Variants in MORC1 observed in about 807,000 individuals in gnomAD.
The protein encoded by MORC1 is MORC family CW-type zinc finger 1.
MORC1 carries 59 observed loss-of-function variants against 134.9 expected under a neutral mutation model. The ratio of observed to expected loss-of-function variants is 0.44; its 90% CI spans 0.35 to 0.54. The LOEUF is 0.54. Among genes scored for constraint, MORC1 ranks in the 20% least tolerant of loss-of-function variants. The pLI, the probability that MORC1 is intolerant of heterozygous loss-of-function variation, is 0.00. For missense variants in MORC1, 947 were observed against 1,134.5 expected, an observed-to-expected ratio of 0.83 and a Z score of 2.37; for synonymous variants, 395 against 391.7, an observed-to-expected ratio of 1.01 and a Z score of -0.10.
At position 108,995,729 on chromosome 3, in the gene MORC1, T is replaced by C. The variant is rs575318469; in HGVS notation, c.2187+4828A>G. Among the ~76,000 whole-genome samples, 4 of 152,174 alleles carry C rather than the reference T, an allele frequency of 2.6e-5. No homozygotes were observed. In the East Asian group the frequency reaches 7.7e-4, roughly 29 times the overall value. On this transcript the variant is annotated intron_variant, in intron 21 of 27. Transcript: ENST00000232603. Reference sequence around the variant, plus strand: ...TACATTGTTTAGGTCAGATTTAGGGTGAATATGGAGGGAAACGGGCTAAAG... The same window carrying C: ...TACATTGTTTAGGTCAGATTTAGGGCGAATATGGAGGGAAACGGGCTAAAG...
intron 21 of MORC1, among the ~76,000 whole-genome samples, chr3:108,996,242 C>A (rs1948203593): frequency 7.3e-6 from 1 of 137,016 alleles, no homozygotes; most frequent in Non-Finnish European, 1.6e-5. Flanking sequence ...GACGCTACCA[C>A]AATACACATG....
chr3:108,986,790 T>G (rs1947904929), intron 22 of MORC1, 90 bp downstream of exon 22: 1 of 893,160 alleles, frequency 1.1e-6, no homozygotes. Context: ...GACAAACTTC[T>G]GATCTATATA....
At chr3:109,102,788 A>G (rs988076309) in intron 4 of MORC1, among the ~76,000 whole-genome samples, 1 of 152,244 alleles carries the variant, frequency 6.6e-6, no homozygotes, top group Admixed American at 6.5e-5. Context: ...TGAACTTAAT[A>G]TTCAGGCTAG....
At chr3:109,049,759 T>G (rs1949778452) in intron 14 of MORC1, among the ~76,000 whole-genome samples, 1 of 151,954 alleles carries the variant, frequency 6.6e-6, no homozygotes, top group Admixed American at 6.6e-5. Flanking sequence ...TTACGGAGAG[T>G]TCACATATTA....
chr3:109,082,035 T>G (rs963096526), intron 8 of MORC1, among the ~76,000 whole-genome samples: 3 of 151,938 alleles, frequency 2.0e-5, no homozygotes, highest in African/African-American at 7.3e-5. Flanking sequence ...ACAAATCAAG[T>G]GGCCGTTCAG....
At position 109,007,097 on chromosome 3, in the gene MORC1, T is replaced by C. The variant is rs370949177; in HGVS notation, c.1705-6A>G. 4 of 1,607,308 alleles carry C rather than the reference T, an allele frequency of 2.5e-6. No homozygotes were observed. Among genetic ancestry groups the C allele is most frequent in the Non-Finnish European group, 3.4e-6 (4 of 1,177,080 alleles). Reference sequence around the variant, plus strand: ...TCCACTGGTATAAATTGAGGCTTTATGGGAAAGCAAACCATTAAGGCAAAT... The same window carrying C: ...TCCACTGGTATAAATTGAGGCTTTACGGGAAAGCAAACCATTAAGGCAAAT... On this transcript the variant is annotated splice_polypyrimidine_tract_variant and splice_region_variant and intron_variant, in intron 17 of 27. Coordinates refer to ENST00000232603, the MANE Select transcript of MORC1 (RefSeq NM_014429.4).
chr3:109,059,401 G>C (rs1229980083), intron 12 of MORC1, among the ~76,000 whole-genome samples: 5 of 151,972 alleles, frequency 3.3e-5, no homozygotes, highest in Admixed American at 2.0e-4. Context: ...TAAATTTTAA[G>C]CTACTAGACA....
intron 1 of MORC1, among the ~76,000 whole-genome samples, chr3:109,114,995 C>G (rs537805699): frequency 6.6e-6 from 1 of 152,294 alleles, no homozygotes; most frequent in South Asian, 2.1e-4. Context: ...CCTGTACCCT[C>G]GAATGCCAGG....
chr3:109,070,233 A>C (rs1950287669), intron 8 of MORC1, among the ~76,000 whole-genome samples: 2 of 152,260 alleles, frequency 1.3e-5, no homozygotes, highest in Non-Finnish European at 2.9e-5. Flanking sequence ...AACAAGAAAC[A>C]TAAAACTTCA....
chr3:109,099,123 T>C (rs1310265814), intron 6 of MORC1, among the ~76,000 whole-genome samples: 1 of 152,244 alleles, frequency 6.6e-6, no homozygotes, highest in Non-Finnish European at 1.5e-5. Context: ...AGGGAGCCTC[T>C]TACTTTGGGA....
intron 16 of MORC1, 109 bp downstream of exon 16, chr3:109,032,611 C>T (rs1305905297): frequency 2.8e-6 from 2 of 722,548 alleles, no homozygotes; most frequent in African/African-American, 1.8e-5. Flanking sequence ...GAAGAGATAC[C>T]AGATACTAAG....
intron 8 of MORC1, among the ~76,000 whole-genome samples, chr3:109,080,739 G>A (rs997611961): frequency 1.3e-5 from 2 of 151,950 alleles, no homozygotes; most frequent in African/African-American, 4.8e-5. Context: ...ATATTTGCAA[G>A]AATAGCAAAT....
At chr3:109,110,123 T>A (rs746282133) in intron 3 of MORC1, 1 of 152,240 alleles carries the variant, frequency 6.6e-6, no homozygotes, top group African/African-American at 2.4e-5. Context: ...AACAGAGATA[T>A]GGATTTAGAT....
At chr3:109,060,555 C>A (rs146341514) in intron 11 of MORC1, among the ~76,000 whole-genome samples, 1 of 151,938 alleles carries the variant, frequency 6.6e-6, no homozygotes, top group Non-Finnish European at 1.5e-5. Flanking sequence ...GTGGGTATGT[C>A]TTTTGATGTA....
chr3:108,989,504 A>AT (rs1432534426), intron 21 of MORC1, among the ~76,000 whole-genome samples: 17 of 152,340 alleles, frequency 1.1e-4, no homozygotes, highest in African/African-American at 4.1e-4. Flanking sequence ...ACTTAAGAAG[A>AT]TAAATAAATC....
At chr3:109,022,350 A>G (rs1425786893) in intron 17 of MORC1, among the ~76,000 whole-genome samples, 2 of 152,258 alleles carry the variant, frequency 1.3e-5, no homozygotes, top group East Asian at 3.8e-4. Context: ...GTACTCAGAT[A>G]CGCCATTCAA....
chr3:109,049,210 T>C (rs1168183177), intron 14 of MORC1: 2 of 945,144 alleles, frequency 2.1e-6, no homozygotes, highest in Non-Finnish European at 2.5e-6. Flanking sequence ...TTGCATCATA[T>C]GGAAAACAAA....
intron 2 of MORC1, 50 bp downstream of exon 2, chr3:109,114,334 G>A (rs766675998): frequency 1.4e-6 from 2 of 1,474,498 alleles, no homozygotes; most frequent in East Asian, 2.3e-5. Flanking sequence ...TTAGACAAGA[G>A]TTATGTCATG....
chr3:109,071,507 A>C (rs1215398345), intron 8 of MORC1, among the ~76,000 whole-genome samples: 1 of 152,162 alleles, frequency 6.6e-6, no homozygotes, highest in Non-Finnish European at 1.5e-5. Flanking sequence ...GCCTTAGCAC[A>C]CAATTGTACT....
Sources: allele counts gnomAD v4.1 joint callset (sites outside exome capture counted in the v4.1 genomes callset), GRCh38; gene constraint gnomAD v4.1.1; transcripts MANE v1.5; gene names NCBI Gene and HGNC (gene_info 2026-07-23, HGNC 2026-07-21).